Variants in ASAP1 observed in about 807,000 individuals in gnomAD.
ASAP1 encodes ArfGAP with SH3 domain, ankyrin repeat and PH domain 1.
In ASAP1, 43 loss-of-function variants were observed where a neutral mutation model predicts 145.2. The observed-to-expected ratio is 0.30, with a 90% CI of 0.23 to 0.38. The LOEUF is 0.38. Among genes scored for constraint, ASAP1 ranks in the 10% least tolerant of loss-of-function variants. ASAP1 has a pLI of 1.00. For missense variants in ASAP1, 1,018 were observed against 1,355.3 expected, an observed-to-expected ratio of 0.75 and a Z score of 3.91; for synonymous variants, 546 against 515.5, an observed-to-expected ratio of 1.06 and a Z score of -0.80.
At chr8:130,335,913 G>T (rs1000930297) in intron 3 of ASAP1, among the ~76,000 whole-genome samples, 2 of 152,094 alleles carry the variant, frequency 1.3e-5, no homozygotes, top group African/African-American at 4.8e-5. Context: ...TAAGTTTCAG[G>T]ACACTAAAAG....
chr8:130,406,786 T>G (rs539828759), intron 1 of ASAP1, among the ~76,000 whole-genome samples: 1 of 152,252 alleles, frequency 6.6e-6, no homozygotes, highest in South Asian at 2.1e-4. Flanking sequence ...CCTGCCCTAG[T>G]TCTCTCATCT....
At chr8:130,309,595 C>T (rs776913346) in intron 3 of ASAP1, among the ~76,000 whole-genome samples, 1 of 152,132 alleles carries the variant, frequency 6.6e-6, no homozygotes, top group Non-Finnish European at 1.5e-5. Flanking sequence ...CCACCACATG[C>T]GGCTCTCACC....
At chr8:130,194,116 C>T (rs769763993) in intron 5 of ASAP1, among the ~76,000 whole-genome samples, 37 of 151,996 alleles carry the variant, frequency 2.4e-4, no homozygotes, top group Non-Finnish European at 5.0e-4. Flanking sequence ...AAATCATGAA[C>T]GCAAAACATG....
At chr8:130,055,895 T>A (rs2097402981) in intron 29 of ASAP1, among the ~76,000 whole-genome samples, 2 of 152,242 alleles carry the variant, frequency 1.3e-5, no homozygotes, top group Admixed American at 1.3e-4. Context: ...GTTGGCATCA[T>A]GCATGTGTGA....
chr8:130,182,678 G>T (rs1814436556), intron 7 of ASAP1, among the ~76,000 whole-genome samples: 1 of 152,080 alleles, frequency 6.6e-6, no homozygotes, highest in South Asian at 2.1e-4. Context: ...TCTCCAAAAT[G>T]AAAGTGAGAG....
chr8:130,194,501 A>G (rs1299735454), intron 5 of ASAP1, among the ~76,000 whole-genome samples: 1 of 152,188 alleles, frequency 6.6e-6, no homozygotes, highest in Admixed American at 6.5e-5. Context: ...ATGGGATTCT[A>G]CAAATTTCCT....
intron 7 of ASAP1, among the ~76,000 whole-genome samples, chr8:130,185,159 C>T (rs1051207600): frequency 2.6e-5 from 4 of 152,190 alleles, no homozygotes; most frequent in African/African-American, 9.6e-5. Flanking sequence ...CTTTCCTGCA[C>T]CACTATACTT....
chr8:130,183,548 G>A (rs947329477), intron 7 of ASAP1, among the ~76,000 whole-genome samples: 8 of 152,016 alleles, frequency 5.3e-5, no homozygotes, highest in Admixed American at 6.6e-5. Flanking sequence ...TGCCACGTTG[G>A]TCAGGCTGGT....
At chr8:130,135,848 T>C (rs535595599) in intron 14 of ASAP1, among the ~76,000 whole-genome samples, 1 of 152,332 alleles carries the variant, frequency 6.6e-6, no homozygotes, top group East Asian at 1.9e-4. Flanking sequence ...ATAAATCTCT[T>C]GGTCATGAAA....
At chr8:130,238,837 T>C (rs1473696312) in intron 3 of ASAP1, among the ~76,000 whole-genome samples, 4 of 152,094 alleles carry the variant, frequency 2.6e-5, no homozygotes, top group African/African-American at 9.7e-5. Flanking sequence ...TCCCAAAGTG[T>C]ATGCTTTCTT....
At chr8:130,099,825 C>T (rs146786195) in intron 24 of ASAP1, among the ~76,000 whole-genome samples, 101 of 151,900 alleles carry the variant, frequency 6.6e-4, no homozygotes, top group African/African-American at 2.3e-3. Context: ...AGATGTGAGT[C>T]ATTGTGCCCA....
At chr8:130,195,377 AG>A (rs1209382540) in intron 5 of ASAP1, 8 of 124,308 alleles carry the variant, frequency 6.4e-5, no homozygotes, top group Non-Finnish European at 1.6e-5. Flanking sequence ...CCATCTCTTT[AG>A]GAAAAAAAAA....
intron 13 of ASAP1, among the ~76,000 whole-genome samples, chr8:130,138,870 G>A (rs2097602226): frequency 6.6e-6 from 1 of 151,262 alleles, no homozygotes; most frequent in African/African-American, 2.4e-5. Flanking sequence ...CAGCTGAAGT[G>A]TTTGGGTTGC....
chr8:130,344,609 T>C (rs1401356687), intron 3 of ASAP1, among the ~76,000 whole-genome samples: 1 of 152,236 alleles, frequency 6.6e-6, no homozygotes, highest in Non-Finnish European at 1.5e-5. Context: ...CAGTTGCTCA[T>C]GCCTGTAATC....
intron 24 of ASAP1, among the ~76,000 whole-genome samples, chr8:130,106,683 G>A (rs768861269): frequency 6.6e-6 from 1 of 152,226 alleles, no homozygotes; most frequent in South Asian, 2.1e-4. Flanking sequence ...GTACTGACGA[G>A]CATCCTACTC....
rs540044722 is a variant in ASAP1 at position 130,309,911 on chromosome 8, G to C, written c.186+48106C>G. On this transcript the variant is annotated intron_variant, in intron 3 of 29. Transcript: ENST00000518721. Reference sequence around the variant, plus strand: ...TCTGTCAAAATCCAGAACTCAGCATGAGTCTTTAGACATATTTTTATGATG... The same window carrying C: ...TCTGTCAAAATCCAGAACTCAGCATCAGTCTTTAGACATATTTTTATGATG... Among the ~76,000 whole-genome samples the C allele has an allele frequency of 2.0e-5, 3 of 152,262 alleles. No homozygotes were observed. In the South Asian group the frequency reaches 6.2e-4, roughly 32 times the overall value.
intron 2 of ASAP1, among the ~76,000 whole-genome samples, chr8:130,384,443 T>G (rs1827918174): frequency 6.6e-6 from 1 of 152,144 alleles, no homozygotes; most frequent in Non-Finnish European, 1.5e-5. Context: ...GGGCAGAAAG[T>G]GGGACATTGG....
intron 2 of ASAP1, among the ~76,000 whole-genome samples, chr8:130,363,889 G>A (rs779381108): frequency 1.2e-4 from 18 of 152,188 alleles, no homozygotes; most frequent in Non-Finnish European, 2.6e-4. Flanking sequence ...CCAACTTAAT[G>A]AAGTGGTGGA....
intron 2 of ASAP1, among the ~76,000 whole-genome samples, chr8:130,401,427 T>C (rs1828791283): frequency 6.6e-6 from 1 of 152,002 alleles, no homozygotes; most frequent in Non-Finnish European, 1.5e-5. Context: ...TGTATTTTAG[T>C]AGAGACAAGG....
Sources: allele counts gnomAD v4.1 joint callset (sites outside exome capture counted in the v4.1 genomes callset), GRCh38; gene constraint gnomAD v4.1.1; transcripts MANE v1.5; gene names NCBI Gene and HGNC (gene_info 2026-07-23, HGNC 2026-07-21).